CLIC5: variants seen among roughly 807,000 people sequenced by gnomAD.
CLIC5 encodes CLIC family member 5, also known as chloride intracellular channel protein 5.
CLIC5 carries 20 observed loss-of-function variants against 24.7 expected under a neutral mutation model. The observed-to-expected ratio is 0.81, with a 90% CI of 0.57 to 1.18. The LOEUF is 1.18. Among genes scored for constraint, CLIC5 ranks in the 50% most tolerant of loss-of-function variants. CLIC5 has a pLI of 0.00. For missense variants in CLIC5, 341 were observed against 326.1 expected (o/e 1.05, Z -0.35); for synonymous variants, 159 against 135.6 (o/e 1.17, Z -1.20).
At position 46,048,555 on chromosome 6, in the gene CLIC5, C is replaced by G. The variant is rs62400496; in HGVS notation, c.540+31148G>C. On this transcript the variant is annotated intron_variant, in intron 1 of 5. Transcript: ENST00000185206. ...CCAGTGGTAAATGGCCTCCTTTTCT[C>G]AAAACTCACCTTGGCTGCTGCTTGC... is the stretch of plus-strand genomic sequence containing the variant. Among the ~76,000 whole-genome samples the G allele has an allele frequency of 3.3e-5, 5 of 152,036 alleles. 1 individual carries two copies. The South Asian group carries it at 1.0e-3, about 32-fold the overall frequency.
At chr6:46,079,954 C>T in exon 1 of CLIC5, 1 of 1,551,736 alleles carries the variant, frequency 6.4e-7, no homozygotes, top group South Asian at 1.2e-5. Context: ...TGGGGCTCAC[C>T]TGGATGAGCC....
chr6:45,892,916 A>G (rs866724551), intron 6 of CLIC5, among the ~76,000 whole-genome samples: 1 of 152,058 alleles, frequency 6.6e-6, no homozygotes, highest in African/African-American at 2.4e-5. Context: ...TTGACTTTGG[A>G]GCTCCTTGCA....
chr6:46,052,066 A>G (rs1768118340), intron 1 of CLIC5, among the ~76,000 whole-genome samples: 1 of 152,130 alleles, frequency 6.6e-6, no homozygotes, highest in African/African-American at 2.4e-5. Context: ...ACACTGATAA[A>G]TTAGTCTAGT....
At chr6:46,074,494 T>C (rs1248207884) in intron 1 of CLIC5, among the ~76,000 whole-genome samples, 1 of 152,194 alleles carries the variant, frequency 6.6e-6, no homozygotes, top group African/African-American at 2.4e-5. Context: ...TGTTGTTCTG[T>C]TGCCTGACTT....
chr6:46,081,811 G>A (rs539577259), upstream of CLIC5, among the ~76,000 whole-genome samples: 1 of 152,310 alleles, frequency 6.6e-6, no homozygotes, highest in Non-Finnish European at 1.5e-5. Flanking sequence ...GCTGACTTTA[G>A]CTGTGGTTTT....
At chr6:45,962,752 G>C (rs571223769) in intron 1 of CLIC5, among the ~76,000 whole-genome samples, 2 of 152,176 alleles carry the variant, frequency 1.3e-5, no homozygotes, top group Non-Finnish European at 2.9e-5. Flanking sequence ...CGGGCTCCTT[G>C]GTTTACGCCT....
chr6:46,019,687 C>T (rs1767120346), upstream of CLIC5, among the ~76,000 whole-genome samples: 1 of 120,680 alleles, frequency 8.3e-6, no homozygotes, highest in African/African-American at 3.3e-5. Flanking sequence ...AGCGAGACTC[C>T]GTCTCAAAAA....
At chr6:46,089,546 G>T in the CLIC5 span, among the ~76,000 whole-genome samples, 12 of 152,188 alleles carry the variant, frequency 7.9e-5, no homozygotes, top group African/African-American at 2.9e-4. Context: ...CTCACACCTC[G>T]CATGCCCATG....
exon 1 of CLIC5, chr6:46,079,841 A>T: frequency 6.4e-7 from 1 of 1,552,214 alleles, no homozygotes; most frequent in Non-Finnish European, 8.7e-7. Context: ...GAGAAGGCAG[A>T]TCTTCCTTCA....
At chr6:45,919,012 G>C in intron 4 of CLIC5, 3 of 985,380 alleles carry the variant, frequency 3.0e-6, no homozygotes, top group Non-Finnish European at 3.6e-6. Context: ...ACGTACAATG[G>C]AAATGTGCCT....
chr6:45,988,353 T>C (rs967789231), intron 1 of CLIC5, among the ~76,000 whole-genome samples: 14 of 152,224 alleles, frequency 9.2e-5, no homozygotes, highest in African/African-American at 3.4e-4. Context: ...TCTGCCCCCA[T>C]GACTCTGCCA....
chr6:46,013,941 C>G (rs796531363), intron 1 of CLIC5, among the ~76,000 whole-genome samples: 39 of 152,274 alleles, frequency 2.6e-4, no homozygotes, highest in African/African-American at 6.3e-4. Flanking sequence ...CAGAACACCC[C>G]CTTGCTGCCC....
chr6:45,895,437 C>T (rs952774105), downstream of CLIC5, among the ~76,000 whole-genome samples: 5 of 152,158 alleles, frequency 3.3e-5, no homozygotes, highest in Admixed American at 6.5e-5. Context: ...TAGAAGGATT[C>T]GTTCTTCAGA....
At chr6:46,103,713 G>T in the CLIC5 span, among the ~76,000 whole-genome samples, 1 of 152,132 alleles carries the variant, frequency 6.6e-6, no homozygotes, top group Non-Finnish European at 1.5e-5. Flanking sequence ...TAACAAATTT[G>T]TATGCCTTTT....
chr6:45,905,771 T>C (rs1762644457), intron 5 of CLIC5, among the ~76,000 whole-genome samples: 1 of 152,182 alleles, frequency 6.6e-6, no homozygotes, highest in Non-Finnish European at 1.5e-5. Context: ...GCAATTGCTT[T>C]TGTAACTTCA....
At chr6:45,889,175 C>T (rs1411573082) in intron 6 of CLIC5, among the ~76,000 whole-genome samples, 1 of 151,994 alleles carries the variant, frequency 6.6e-6, no homozygotes, top group Non-Finnish European at 1.5e-5. Flanking sequence ...GTAGGAAAGT[C>T]CAAGGTGAAG....
In CLIC5 at chr6:45,914,325, G is replaced by C. The variant is rs201781198; in HGVS notation, c.491C>G (p.Thr164Ser). 310 of 1,610,070 alleles carry C rather than the reference G, an allele frequency of 1.9e-4. 1 individual carries two copies. The East Asian group carries it at 4.0e-3, about 21-fold the overall frequency. ...TPLPEEIDAN[T>S]CGEDKGSRRK... ...CCGGGACCCCTTGTCTTCCCCACAA[G>C]TGTTGGCGTCAATCTCCTCTGGTAG... The change falls in exon 5 of 6, where the codon ACT becomes AGT. Residue 164 changes from threonine to serine, a missense_variant. Transcript: ENST00000339561.
chr6:45,923,562 T>C (rs3777558), intron 4 of CLIC5, among the ~76,000 whole-genome samples: 46,226 of 152,184 alleles, frequency 0.3, 7,207 homozygotes, highest in East Asian at 0.47. Context: ...CCCATTCTTT[T>C]ATTTGTTAAA....
chr6:46,023,373 C>A lies in CLIC5; in HGVS notation c.540+56330G>T, dbSNP rs141593427. 1.4e-4 allele frequency among the ~76,000 whole-genome samples: 22 copies of A among 152,272 alleles called. No individual in the cohort carries two copies. The East Asian group carries it at 3.9e-3, about 27-fold the overall frequency. On this transcript the variant is annotated intron_variant, in intron 1 of 5. Transcript: ENST00000185206. Reference sequence around the variant, plus strand: ...GCAAAAACTTAAAAAGGGTAAGTAACTTATCCAAGGTCATGTGGATAGTTA... The same window carrying A: ...GCAAAAACTTAAAAAGGGTAAGTAAATTATCCAAGGTCATGTGGATAGTTA...
Sources: allele counts gnomAD v4.1 joint callset (sites outside exome capture counted in the v4.1 genomes callset), GRCh38; gene constraint gnomAD v4.1.1; transcripts MANE v1.5; gene names NCBI Gene and HGNC (gene_info 2026-07-23, HGNC 2026-07-21).